The following DLGAP2 variants were observed in gnomAD, a reference collection of about 807,000 sequenced individuals.
DLGAP2 encodes DLG associated protein 2.
Under a neutral mutation model 100.3 loss-of-function variants are expected in DLGAP2, and 26 were observed. The ratio of observed to expected loss-of-function variants is 0.26; its 90% confidence interval spans 0.19 to 0.36. The LOEUF is 0.36. Ranked by LOEUF, DLGAP2 falls within the 10% of genes least tolerant of loss-of-function variation. DLGAP2 has a pLI of 1.00. For synonymous variants in DLGAP2, 886 were observed against 630.1 expected (o/e 1.41, Z -6.08); for missense variants, 1,858 against 1,453.2 (o/e 1.28, Z -4.53).
intron 2 of DLGAP2, among the ~76,000 whole-genome samples, chr8:1,201,449 G>C (rs541729135): frequency 6.6e-6 from 1 of 152,318 alleles, no homozygotes; most frequent in South Asian, 2.1e-4. Flanking sequence ...AGAGGACCTG[G>C]AAGGGGAGGA....
intron 2 of DLGAP2, among the ~76,000 whole-genome samples, chr8:940,331 T>A (rs1485559896): frequency 6.6e-6 from 1 of 151,102 alleles, no homozygotes; most frequent in Non-Finnish European, 1.5e-5. Context: ...CCTGTGAGGT[T>A]GACAGAGCCA....
At chr8:759,404 C>T (rs1347876767) in intron 1 of DLGAP2, among the ~76,000 whole-genome samples, 3 of 152,252 alleles carry the variant, frequency 2.0e-5, no homozygotes, top group Admixed American at 6.5e-5. Context: ...GTGGCTCCCC[C>T]TGGGCTGCAC....
intron 1 of DLGAP2, among the ~76,000 whole-genome samples, chr8:800,741 T>C (rs944564814): frequency 6.6e-6 from 1 of 152,140 alleles, no homozygotes; most frequent in Non-Finnish European, 1.5e-5. Flanking sequence ...TGTATGTGTA[T>C]GTGCATGTGT....
At chr8:901,761 C>T (rs1436485212) in intron 1 of DLGAP2, among the ~76,000 whole-genome samples, 1 of 152,328 alleles carries the variant, frequency 6.6e-6, no homozygotes, top group Admixed American at 6.5e-5. Flanking sequence ...GTGGCAGCGT[C>T]GTTCTCCTGA....
chr8:1,194,952 C>G (rs1797717761), intron 2 of DLGAP2, among the ~76,000 whole-genome samples: 1 of 152,272 alleles, frequency 6.6e-6, no homozygotes, highest in African/African-American at 2.4e-5. Context: ...ACAGTCAGGG[C>G]TGTCCCAGCA....
rs776034791 is a variant in DLGAP2, at chr8:1,705,047, A to G, written c.*3641A>G. The G allele has an allele frequency of 2.0e-5, 3 of 152,226 alleles. No homozygotes were observed. Among genetic ancestry groups the G allele is most frequent in the Non-Finnish European group, 4.4e-5 (3 of 68,046 alleles). The allele number at this position is 152,226 out of a possible 1,614,324, so 9.4% of individuals were successfully genotyped here. ...CTGTTTTTGTTAGATCCTTGTAAGC[A>G]TCGCTACCCGAGTCCAGGATGGAAT... On this transcript the variant is annotated 3_prime_UTR_variant, in exon 15 of 15. Coordinates refer to ENST00000637795, the MANE Select transcript of DLGAP2 (RefSeq NM_001346810.2).
chr8:751,938 T>C (rs149434205), intron 1 of DLGAP2, among the ~76,000 whole-genome samples: 21 of 149,848 alleles, frequency 1.4e-4, no homozygotes, highest in African/African-American at 5.0e-4. Context: ...TCTGACACTT[T>C]ATAGTAAGTC....
At chr8:899,646 T>C (rs1319133002) in intron 1 of DLGAP2, among the ~76,000 whole-genome samples, 1 of 152,212 alleles carries the variant, frequency 6.6e-6, no homozygotes, top group East Asian at 1.9e-4. Flanking sequence ...ATCACAAACA[T>C]TAAAATGCTA....
intron 3 of DLGAP2, among the ~76,000 whole-genome samples, chr8:1,295,787 C>T (rs550254547): frequency 1.3e-5 from 2 of 152,318 alleles, no homozygotes; most frequent in African/African-American, 4.8e-5. Context: ...ATCGTCCCCT[C>T]GTGACAGGGA....
chr8:1,286,791 G>A (rs1346360209), intron 3 of DLGAP2, among the ~76,000 whole-genome samples: 1 of 152,328 alleles, frequency 6.6e-6, no homozygotes, highest in East Asian at 1.9e-4. Context: ...CAGTGTCTCT[G>A]GATTCAACTC....
Position 1,236,102 on chromosome 8 carries a change from A to G in DLGAP2, c.74-22749A>G, listed in dbSNP as rs1294330351. ...ATGGTGCCATGTCTAGTTCTCTCAC[A>G]TGGTACCATGTCTAGTTCTCTCACA... On this transcript the variant is annotated intron_variant, in intron 2 of 14. Transcript: ENST00000637795. 5.4e-4 allele frequency among the ~76,000 whole-genome samples: 48 copies of G among 88,508 alleles called. 1 individual carries two copies. Among genetic ancestry groups the G allele is most frequent in the African/African-American group, 2.3e-3 (47 of 20,546 alleles). 58.1% of individuals were successfully genotyped at this position (88,508 alleles called of 152,430 possible).
chr8:1,348,509 A>G (rs1220411602), intron 3 of DLGAP2, among the ~76,000 whole-genome samples: 1 of 149,372 alleles, frequency 6.7e-6, no homozygotes, highest in Non-Finnish European at 1.5e-5. Context: ...CATTGCACTC[A>G]TGATAGCTGT....
At chr8:1,260,706 C>T (rs566111119) in intron 3 of DLGAP2, among the ~76,000 whole-genome samples, 34 of 152,284 alleles carry the variant, frequency 2.2e-4, no homozygotes, top group African/African-American at 7.9e-4. Context: ...GTAAATCTCC[C>T]CGGAGTCCTG....
intron 2 of DLGAP2, among the ~76,000 whole-genome samples, chr8:1,117,528 C>G (rs1805156541): frequency 6.6e-6 from 1 of 151,482 alleles, no homozygotes; most frequent in South Asian, 2.1e-4. Context: ...ACCAAGACGG[C>G]CTTTTCATTC....
intron 3 of DLGAP2, among the ~76,000 whole-genome samples, chr8:1,410,010 G>C (rs973063239): frequency 6.6e-6 from 1 of 152,158 alleles, no homozygotes; most frequent in Non-Finnish European, 1.5e-5. Flanking sequence ...TTCCTCCAGA[G>C]AACCCTGACC....
chr8:1,086,943 A>G (rs1054765220), intron 2 of DLGAP2, among the ~76,000 whole-genome samples: 1 of 152,232 alleles, frequency 6.6e-6, no homozygotes, highest in Non-Finnish European at 1.5e-5. Context: ...AAAAACAGCT[A>G]AAGGATACAC....
chr8:762,700 C>T (rs367990281), intron 1 of DLGAP2, among the ~76,000 whole-genome samples: 12 of 152,082 alleles, frequency 7.9e-5, no homozygotes, highest in African/African-American at 2.9e-4. Flanking sequence ...GAGACAGGGT[C>T]TCACTCTAGC....
chr8:738,198 C>G (rs996088067), intron 1 of DLGAP2: 1 of 166,516 alleles, frequency 6.0e-6, no homozygotes, highest in Non-Finnish European at 1.3e-5. Context: ...GGCTACGCGC[C>G]TAGCTCCGGT....
intron 2 of DLGAP2, among the ~76,000 whole-genome samples, chr8:1,066,159 G>A (rs1012046403): frequency 2.6e-5 from 4 of 151,468 alleles, no homozygotes; most frequent in African/African-American, 9.7e-5. Flanking sequence ...CCACAGTCAG[G>A]TATGAGCGAG....
Sources: allele counts gnomAD v4.1 joint callset (sites outside exome capture counted in the v4.1 genomes callset), GRCh38; gene constraint gnomAD v4.1.1; transcripts MANE v1.5; gene names NCBI Gene and HGNC (gene_info 2026-07-23, HGNC 2026-07-21).